MS4A13: variants seen among roughly 807,000 people sequenced by gnomAD.
The protein encoded by MS4A13 is membrane spanning 4-domains A13.
Under a neutral mutation model 18.4 loss-of-function variants are expected in MS4A13, and 21 were observed. The observed-to-expected ratio is 1.14, with a 90% confidence interval of 0.81 to 1.64. MS4A13 has a LOEUF of 1.64. Ranked by LOEUF, MS4A13 falls within the 40% of genes most tolerant of loss-of-function variation. The probability of loss-of-function intolerance (pLI) is 0.00; values close to 1 mark genes in which losing one functional copy is unlikely to be tolerated. For missense variants in MS4A13, 173 were observed against 176.8 expected, an observed-to-expected ratio of 0.98 and a Z score of 0.12; for synonymous variants, 62 against 57.2, an observed-to-expected ratio of 1.08 and a Z score of -0.38.
chr11:60,520,541 T>G (rs1326150339), intron 3 of MS4A13, among the ~76,000 whole-genome samples: 9 of 152,170 alleles, frequency 5.9e-5, no homozygotes. Flanking sequence ...AAGTCTAAAA[T>G]CCAGTGGGGC....
At chr11:60,525,069 T>C (rs1474888498) in intron 4 of MS4A13, 138 bp from the exon 5 acceptor site, 2 of 565,880 alleles carry the variant, frequency 3.5e-6, no homozygotes, top group Non-Finnish European at 6.1e-6. Context: ...AGAAAAATAT[T>C]TTCTTAATAT....
At chr11:60,522,304 A>G (rs549027394) in intron 3 of MS4A13, among the ~76,000 whole-genome samples, 6 of 151,538 alleles carry the variant, frequency 4.0e-5, no homozygotes, top group Admixed American at 3.3e-4. Context: ...GTGTGTAAAA[A>G]TCACCAAATA....
At chr11:60,525,826 A>G (rs2086709772) in intron 5 of MS4A13, among the ~76,000 whole-genome samples, 1 of 152,054 alleles carries the variant, frequency 6.6e-6, no homozygotes, top group Non-Finnish European at 1.5e-5. Flanking sequence ...ACTTGTTTCC[A>G]TTTAGTTGCC....
chr11:60,533,392 C>G (rs1227880095), intron 6 of MS4A13, among the ~76,000 whole-genome samples: 1 of 119,304 alleles, frequency 8.4e-6, no homozygotes, highest in Non-Finnish European at 1.7e-5. Context: ...CCTCAGGAGC[C>G]GATGCAATCA....
At chr11:60,522,259 T>C (rs1166595212) in intron 3 of MS4A13, among the ~76,000 whole-genome samples, 1 of 145,694 alleles carries the variant, frequency 6.9e-6, no homozygotes, top group Non-Finnish European at 1.5e-5. Flanking sequence ...TATAGATATA[T>C]ACACACATAT....
At chr11:60,542,914 T>C (rs1441763544), downstream of MS4A13, among the ~76,000 whole-genome samples, 1 of 152,160 alleles carries the variant, frequency 6.6e-6, no homozygotes, top group African/African-American at 2.4e-5. Flanking sequence ...TGGGCCATGA[T>C]GTCGTATAAT....
intron 4 of MS4A13, among the ~76,000 whole-genome samples, chr11:60,524,960 C>T (rs753613720): frequency 1.2e-4 from 18 of 151,896 alleles, no homozygotes; most frequent in Admixed American, 2.6e-4. Context: ...GCGCCCGGCC[C>T]CAAAAAATAC....
At chr11:60,519,697 G>T (rs1238936463) in intron 3 of MS4A13, among the ~76,000 whole-genome samples, 2 of 152,162 alleles carry the variant, frequency 1.3e-5, no homozygotes, top group African/African-American at 4.8e-5. Flanking sequence ...AAAACAATCA[G>T]GATCTTTGTT....
chr11:60,528,934 A>G (rs1294496993), intron 5 of MS4A13, among the ~76,000 whole-genome samples: 2 of 152,234 alleles, frequency 1.3e-5, no homozygotes, highest in Non-Finnish European at 2.9e-5. Flanking sequence ...CCATGTATGT[A>G]AATTTAAGAA....
intron 6 of MS4A13, among the ~76,000 whole-genome samples, chr11:60,538,126 A>G (rs1254242768): frequency 6.8e-6 from 1 of 147,502 alleles, no homozygotes; most frequent in East Asian, 2.1e-4. Flanking sequence ...ATGTATACAT[A>G]TGTAACTAAC....
intron 6 of MS4A13, among the ~76,000 whole-genome samples, chr11:60,536,996 C>T (rs1435127570): frequency 6.5e-5 from 7 of 107,544 alleles, no homozygotes; most frequent in African/African-American, 1.5e-4. Context: ...AAACTGGATC[C>T]CTTCCTTACA....
At chr11:60,517,156 G>A (rs2135245344) in intron 2 of MS4A13, among the ~76,000 whole-genome samples, 1 of 151,082 alleles carries the variant, frequency 6.6e-6, no homozygotes, top group Middle Eastern at 3.4e-3. Context: ...AAAAATGCAT[G>A]ATCGTTACCA....
At chr11:60,539,211 TAGTAA>T (rs2086836954) in intron 6 of MS4A13, among the ~76,000 whole-genome samples, 1 of 147,394 alleles carries the variant, frequency 6.8e-6, no homozygotes, top group Admixed American at 6.7e-5. Context: ...AAAAAAAATT[TAGTAA>T]AGTAAATATG....
In MS4A13 at chr11:60,536,919, AT is replaced by A. The variant is rs1482105705; in HGVS notation, c.403-5599del. 3.3e-5 allele frequency among the ~76,000 whole-genome samples: 4 copies of A among 119,758 alleles called. No homozygotes were observed. The Admixed American group carries it at 3.8e-4, about 11-fold the overall frequency. 78.6% of individuals were successfully genotyped at this position (119,758 alleles called of 152,430 possible). A position where few individuals can be genotyped will look rare whatever the true frequency, so the allele number is the denominator to read the frequency against. On this transcript the variant is annotated intron_variant, in intron 6 of 6. Coordinates refer to ENST00000378186, the MANE Select transcript of MS4A13 (RefSeq NM_001012417.3). ...TTGACAAACCTGACAAAAACAAGCA[AT>A]GGGGAAAGGATTCCCTATTTAATAA...
intron 6 of MS4A13, among the ~76,000 whole-genome samples, chr11:60,540,995 G>GACGTGTA (rs2086853122): frequency 6.7e-6 from 1 of 149,830 alleles, no homozygotes; most frequent in South Asian, 2.1e-4. Flanking sequence ...AAACACATGA[G>GACGTGTA]ACGTGTATAA....
intron 6 of MS4A13, among the ~76,000 whole-genome samples, chr11:60,538,258 G>T (rs2086826106): frequency 6.6e-6 from 1 of 151,832 alleles, no homozygotes; most frequent in African/African-American, 2.4e-5. Context: ...AGAGGCTGGG[G>T]GCCGATGGGG....
chr11:60,529,257 T>TC (rs1396858244), intron 5 of MS4A13, 108 bp from the exon 6 acceptor site: 1 of 177,216 alleles, frequency 5.6e-6, no homozygotes, highest in Admixed American at 7.3e-5. Flanking sequence ...TTTCCTTCCT[T>TC]TTTTTTTTTT....
At chr11:60,517,618 TAAATC>T (rs1270062275) in intron 2 of MS4A13, among the ~76,000 whole-genome samples, 1 of 152,154 alleles carries the variant, frequency 6.6e-6, no homozygotes, top group African/African-American at 2.4e-5. Flanking sequence ...AAGGAAAAGA[TAAATC>T]AAACCTTTAT....
chr11:60,538,101 G>T (rs550646133), intron 6 of MS4A13, among the ~76,000 whole-genome samples: 4 of 147,902 alleles, frequency 2.7e-5, no homozygotes, highest in African/African-American at 1.0e-4. Context: ...TGGGTGCAGC[G>T]CACCAGCATG....
Sources: gnomAD v4.1 joint callset for allele counts (sites outside exome capture counted in the v4.1 genomes callset) on GRCh38, gnomAD v4.1.1 for gene constraint, MANE v1.5 for transcripts, NCBI Gene and HGNC (gene_info 2026-07-23, HGNC 2026-07-21) for gene names.